HCFC1: variants seen among roughly 807,000 people sequenced by gnomAD.
The protein encoded by HCFC1 is host cell factor 1.
Under a neutral mutation model 105.5 loss-of-function variants are expected in HCFC1, and 7 were observed. That is an observed-to-expected ratio of 0.07 (90% CI 0.04 to 0.12). The LOEUF is 0.12. HCFC1 is among the 10% of genes least tolerant of loss of function. The probability of loss-of-function intolerance (pLI) is 1.00; values close to 1 mark genes in which losing one functional copy is unlikely to be tolerated. For synonymous variants in HCFC1, 918 were observed against 828.1 expected (o/e 1.11, Z -1.86); for missense variants, 1,065 against 1,823.6 (o/e 0.58, Z 7.58).
rs1357727842 is a variant in HCFC1 at position 153,951,386 on chromosome X, G to A, written c.5481C>T (p.His1827=). The change falls in exon 22 of 26, where the codon CAC becomes CAT. Residue 1827 remains histidine (H), a synonymous_variant. Coordinates refer to ENST00000310441, the MANE Select transcript of HCFC1 (RefSeq NM_005334.3). The part of the protein sequence containing the change: ...VIKGTNVMVT[H]YFLPPDDAVP... ...CAGCATCATCTGGTGGCAGGAAATA[G>A]TGTGTCACCATTACATTGGTGCCCT... The A allele has an allele frequency of 2.6e-5, 32 of 1,209,099 alleles. No individual in the cohort carries two copies. Among genetic ancestry groups the A allele is most frequent in the Non-Finnish European group, 3.5e-5 (31 of 894,296 alleles).
In HCFC1 at chrX:153,958,716, C is replaced by A; in HGVS notation, c.1656G>T (p.Ala552=). ...QMSGMAALAA[A]AAATQKIPPS... ...GGGGGATCTTCTGGGTGGCAGCGGCCGCAGCGGCCAGTGCGGCCATCCCAC... is the reference window on the plus strand; with the variant it reads ...GGGGGATCTTCTGGGTGGCAGCGGCAGCAGCGGCCAGTGCGGCCATCCCAC... Residue 552 remains alanine, a synonymous_variant, in exon 10 of 26, where the codon GCG becomes GCT. Transcript: ENST00000310441. The A allele has an allele frequency of 8.4e-7, 1 of 1,193,038 alleles. No homozygotes were observed. The highest frequency in any genetic ancestry group is 1.1e-6 in the Non-Finnish European group (1 of 885,110).
chrX:153,960,417 G>A lies in HCFC1; in HGVS notation c.905-3C>T, dbSNP rs200367055. The A allele has an allele frequency of 3.2e-5, 38 of 1,176,298 alleles. No individual in the cohort carries two copies. The Admixed American group carries it at 6.7e-4, about 21-fold the overall frequency. On this transcript the variant is annotated splice_region_variant and splice_polypyrimidine_tract_variant and intron_variant, in intron 6 of 25. Transcript: ENST00000310441. ...GATGGTCTCCCAGGCCATGGTATCT[G>A]GGGGAGGGCAGACAAGGGAGGTCAG... is the stretch of plus-strand genomic sequence containing the variant.
chrX:153,963,854 G>A (rs782791953), intron 3 of HCFC1, among the ~76,000 whole-genome samples: 2 of 112,272 alleles, frequency 1.8e-5, no homozygotes, highest in Non-Finnish European at 3.8e-5. Flanking sequence ...GCTCTAAGCC[G>A]ACTCCGAGAG....
chrX:153,970,450 A>C (rs868950217), intron 1 of HCFC1, among the ~76,000 whole-genome samples, 198 bp downstream of exon 1: 1 of 5,918 alleles, frequency 1.7e-4, no homozygotes, highest in African/African-American at 6.1e-4. Context: ...GGAGGGGAGA[A>C]GGGGGAGGGG....
chrX:153,955,563 G>A (rs2065367003), intron 16 of HCFC1, 21 bp from the exon 17 acceptor site: 1 of 1,160,657 alleles, frequency 8.6e-7, no homozygotes, highest in East Asian at 3.0e-5. Flanking sequence ...ACACGAGGAG[G>A]AGAGTTAGTG....
chrX:153,955,664 G>T, intron 16 of HCFC1, 122 bp from the exon 17 acceptor site: 1 of 703,034 alleles, frequency 1.4e-6, no homozygotes, highest in Non-Finnish European at 2.0e-6. Flanking sequence ...GGCCCTGGCA[G>T]ACGTAAGACC....
At position 153,959,832 on chromosome X, in the gene HCFC1, T is replaced by C. The variant is rs2065412517; in HGVS notation, c.1414A>G (p.Ile472Val). ...QVLPTVPGSSISVPTAARTQG... is the reference protein window; with the variant it reads ...QVLPTVPGSSVSVPTAARTQG... Reference sequence around the variant, plus strand: ...GTCCTGGCTGCGGTGGGCACAGAAATGGAGCTGCCAGGCACCGTTGGCAAG... The same window carrying C: ...GTCCTGGCTGCGGTGGGCACAGAAACGGAGCTGCCAGGCACCGTTGGCAAG... The change falls in exon 8 of 26, where the codon ATT becomes GTT. Residue 472 changes from isoleucine (I) to valine (V), a missense_variant. By Grantham distance (29) the Ile-to-Val change is conservative. Around this residue, in one of 17 missense-constraint regions of HCFC1, gnomAD observed 101 missense variants for 155.1 expected, o/e 0.65. Transcript: ENST00000310441. The C allele has an allele frequency of 8.5e-7, 1 of 1,178,151 alleles. No individual in the cohort carries two copies. The highest frequency in any genetic ancestry group is 2.3e-5 in the Admixed American group (1 of 43,323).
chrX:153,971,602 C>T lies in HCFC1; in HGVS notation c.-762G>A, dbSNP rs1350704477. 3 of 293,207 alleles carry T rather than the reference C, an allele frequency of 1.0e-5. No homozygotes were observed. The highest frequency in any genetic ancestry group is 5.5e-5 in the African/African-American group (2 of 36,589). The allele number at this position is 293,207 out of a possible 1,213,427, so 24.2% of individuals were successfully genotyped here. On this transcript the variant is annotated 5_prime_UTR_variant, in exon 1 of 26. Coordinates refer to ENST00000310441, the MANE Select transcript of HCFC1 (RefSeq NM_005334.3). ...GTGGGAGCCGCCATCTTGAGACTAG[C>T]TCCCCGTTCCCCCCTATTCTCTTCC... is the stretch of plus-strand genomic sequence containing the variant.
At position 153,955,128 on chromosome X, in the gene HCFC1, C is replaced by T. The variant is rs1557114364; in HGVS notation, c.3271G>A (p.Ala1091Thr). 9.1e-6 allele frequency: 11 copies of T among 1,208,674 alleles called. No individual in the cohort carries two copies. The highest frequency in any genetic ancestry group is 2.2e-5 in the Admixed American group (1 of 45,752). The change falls in exon 17 of 26, where the codon GCC becomes ACC. Residue 1091 changes from alanine (A) to threonine (T), a missense_variant. Ala to Thr is a moderately conservative substitution (Grantham distance 58). Around this residue, in one of 17 missense-constraint regions of HCFC1, gnomAD observed 546 missense variants for 599.9 expected, o/e 0.91. Coordinates refer to ENST00000310441, the MANE Select transcript of HCFC1 (RefSeq NM_005334.3). Reference protein sequence around the residue: ...ETHETGTTNTATTATSNMAGQ... With the variant: ...ETHETGTTNTTTTATSNMAGQ... ...GCCATGTTGGAGGTGGCGGTGGTGG[C>T]GGTGTTGGTGGTGCCCGTCTCGTGG... is the stretch of plus-strand genomic sequence containing the variant.
intron 7 of HCFC1, 23 bp downstream of exon 7, chrX:153,960,212 G>A: frequency 1.7e-6 from 2 of 1,189,520 alleles, no homozygotes; most frequent in Admixed American, 2.3e-5. Flanking sequence ...TGGGAGGAGG[G>A]GAGTCGGCTG....
At position 153,949,004 on chromosome X, in the gene HCFC1, C is replaced by T; in HGVS notation, c.*343G>A. 1 of 143,722 alleles carries T rather than the reference C, an allele frequency of 7.0e-6. No individual in the cohort carries two copies. The highest frequency in any genetic ancestry group is 1.3e-5 in the Non-Finnish European group (1 of 78,504). The allele number at this position is 143,722 out of a possible 1,213,427, so 11.8% of individuals were successfully genotyped here. On this transcript the variant is annotated 3_prime_UTR_variant, in exon 26 of 26. Coordinates refer to ENST00000310441, the MANE Select transcript of HCFC1 (RefSeq NM_005334.3). ...CCTCCATGCCTGCCCCCGACCTGGCCCTCAGGAACGCACAGCCTTGGGAGG... is the reference window on the plus strand; with the variant it reads ...CCTCCATGCCTGCCCCCGACCTGGCTCTCAGGAACGCACAGCCTTGGGAGG...
intron 3 of HCFC1, 111 bp from the exon 4 acceptor site, chrX:153,963,544 TG>T: frequency 1.9e-6 from 1 of 522,718 alleles, no homozygotes; most frequent in Non-Finnish European, 3.2e-6. Context: ...GCTAGGGCTG[TG>T]GGAGCTCTGA....
At chrX:153,952,365 G>A in intron 19 of HCFC1, 149 bp downstream of exon 19, 2 of 879,081 alleles carry the variant, frequency 2.3e-6, no homozygotes, top group Non-Finnish European at 3.1e-6. Context: ...TCTACTACTT[G>A]GCCTGCCTGG....
Position 153,971,412 on chromosome X carries a change from G to A in HCFC1, c.-572C>T, listed in dbSNP as rs1221064709. 6.8e-6 allele frequency: 2 copies of A among 293,411 alleles called. No individual in the cohort carries two copies. Among genetic ancestry groups the A allele is most frequent in the Non-Finnish European group, 1.2e-5 (2 of 168,426 alleles). The allele number at this position is 293,411 out of a possible 1,213,427, so 24.2% of individuals were successfully genotyped here. A position where few individuals can be genotyped will look rare whatever the true frequency, so the allele number is the denominator to read the frequency against. ...CGCCCAGCGCCTTAGTGCAGCCGCC[G>A]CTCCCGAAACAGCCTCGACACACCT... is the stretch of plus-strand genomic sequence containing the variant. On this transcript the variant is annotated 5_prime_UTR_variant, in exon 1 of 26. Transcript: ENST00000310441.
In HCFC1 at chrX:153,954,729, T is replaced by C; in HGVS notation, c.3670A>G (p.Ser1224Gly). 1 of 1,183,868 alleles carries C rather than the reference T, an allele frequency of 8.4e-7. No individual in the cohort carries two copies. Among genetic ancestry groups the C allele is most frequent in the Non-Finnish European group, 1.1e-6 (1 of 881,867 alleles). Reference sequence around the variant, plus strand: ...CGCCCCGCAGGAAGGTCCTTAATGCTTGGGCTGCTCAGCCTGACTTTGCTG... The same window carrying C: ...CGCCCCGCAGGAAGGTCCTTAATGCCTGGGCTGCTCAGCCTGACTTTGCTG... ...LSSKVRLSSP[S>G]IKDLPAGRHS... Residue 1224 changes from serine to glycine, a missense_variant, in exon 17 of 26, where the codon AGC becomes GGC. Transcript: ENST00000310441.
rs1603294332 is a variant in HCFC1 at position 153,951,111 on chromosome X, T to G, written c.5518-113A>C. On this transcript the variant is annotated intron_variant, in intron 22 of 25. Transcript: ENST00000310441. ...GGCCAGAGGGAAAAGAGGTCAGCGG[T>G]GGCTGGCCCCTCACGGCAAGGAGGG... The G allele has an allele frequency of 1.6e-5, 13 of 795,669 alleles. No individual in the cohort carries two copies. The East Asian group carries it at 4.1e-4, about 25-fold the overall frequency. The allele number at this position is 795,669 out of a possible 1,213,427, so 65.6% of individuals were successfully genotyped here.
intron 3 of HCFC1, 141 bp from the exon 4 acceptor site, chrX:153,963,574 C>T: frequency 2.1e-6 from 1 of 465,591 alleles, no homozygotes; most frequent in East Asian, 3.7e-5. Context: ...TACCCTAGCT[C>T]TTGAGGAAGG....
At position 153,955,488 on chromosome X, in the gene HCFC1, C is replaced by A; in HGVS notation, c.2911G>T (p.Ala971Ser). ...ACAGGGAGGTCATGCACAGGCTGGG[C>A]CTCCACCCCACTAGGTGCCGTGATC... ...TLITAPSGVE[A>S]QPVHDLPVSI... The change falls in exon 17 of 26, where the codon GCC becomes TCC. Residue 971 changes from alanine to serine, a missense_variant. Ala to Ser is a moderately conservative substitution (Grantham distance 99, BLOSUM62 1). This residue lies in a region of HCFC1 where 546 missense variants were observed against 599.9 expected (regional missense o/e 0.91). Coordinates refer to ENST00000310441, the MANE Select transcript of HCFC1 (RefSeq NM_005334.3). 8.4e-7 allele frequency: 1 copy of A among 1,187,847 alleles called. No individual in the cohort carries two copies. Among genetic ancestry groups the A allele is most frequent in the Non-Finnish European group, 1.1e-6 (1 of 881,878 alleles).
In HCFC1 at chrX:153,956,953, T is replaced by C; in HGVS notation, c.2461A>G (p.Ile821Val). The change falls in exon 14 of 26, where the codon ATT becomes GTT. Residue 821 changes from isoleucine to valine, a missense_variant. Physicochemically the swap from Ile to Val is conservative, Grantham distance 29. Around this residue, in one of 17 missense-constraint regions of HCFC1, gnomAD observed 137 missense variants for 378.2 expected, o/e 0.36. Transcript: ENST00000310441. ...PAKIITAVPK[I>V]ATGHGQQGVT... ...CCCTGCTGCCCGTGGCCAGTGGCAA[T>C]TTTGGGGACAGCAGTGATGATTTTC... The C allele has an allele frequency of 8.3e-7, 1 of 1,210,058 alleles. No individual in the cohort carries two copies. The highest frequency in any genetic ancestry group is 1.1e-6 in the Non-Finnish European group (1 of 895,089).
Sources: allele counts gnomAD v4.1 joint callset (sites outside exome capture counted in the v4.1 genomes callset), GRCh38; gene constraint gnomAD v4.1.1; regional missense constraint gnomAD v4.1.1; transcripts MANE v1.5; gene names NCBI Gene and HGNC (gene_info 2026-07-23, HGNC 2026-07-21).